Variants in HEATR5A observed in about 807,000 individuals in gnomAD.
HEATR5A encodes the protein HEAT repeat-containing protein 5A.
A neutral mutation model predicts 218.8 loss-of-function variants in HEATR5A; 178 were observed. The observed-to-expected ratio is 0.81, with a 90% CI of 0.72 to 0.92. The LOEUF (loss-of-function observed/expected upper bound fraction) is 0.92, where lower values mean the gene tolerates loss of function less well. Ranked by LOEUF, HEATR5A falls within the 40% of genes least tolerant of loss-of-function variation. HEATR5A has a pLI of 0.00. For missense variants in HEATR5A, 2,420 were observed against 2,418.9 expected (o/e 1.00, Z -0.01); for synonymous variants, 864 against 871.6 (o/e 0.99, Z 0.15).
chr14:31,397,542 C>A (rs1274248324), intron 4 of HEATR5A, among the ~76,000 whole-genome samples: 1 of 151,880 alleles, frequency 6.6e-6, no homozygotes, highest in Admixed American at 6.6e-5. Context: ...GCCTGTAATC[C>A]CAGCTACTTG....
intron 1 of HEATR5A, among the ~76,000 whole-genome samples, chr14:31,416,111 T>C (rs2031436337): frequency 6.6e-6 from 1 of 151,834 alleles, no homozygotes; most frequent in Non-Finnish European, 1.5e-5. Flanking sequence ...CCACCATGCC[T>C]GGCTAATTTT....
chr14:31,308,475 CCAGCCTGGG>C (rs1899626144), intron 29 of HEATR5A, among the ~76,000 whole-genome samples: 5 of 149,478 alleles, frequency 3.3e-5, no homozygotes. Context: ...CCATTGCACT[CCAGCCTGGG>C]CAACAAGAGC....
Position 31,395,344 on chromosome 14 carries a change from T to A in HEATR5A, c.452A>T (p.Gln151Leu), listed in dbSNP as rs1347603226. Reference sequence around the variant, plus strand: ...ACTTAGCATAATCTCATATCGGCCTTGAGACTTCCAAAAAGAAAAAAAATT... The same window carrying A: ...ACTTAGCATAATCTCATATCGGCCTAGAGACTTCCAAAAAGAAAAAAAATT... ...ILKAMKSAES[Q>L]GRYEIMLSLQ... Residue 151 changes from glutamine to leucine, a missense_variant, in exon 5 of 36, where the codon CAA (glutamine) becomes CTA (leucine). Physicochemically the swap from Gln to Leu is moderately radical, Grantham distance 113. Coordinates refer to ENST00000543095, the MANE Select transcript of HEATR5A (RefSeq NM_015473.4). The A allele has an allele frequency of 2.0e-6, 3 of 1,497,366 alleles. No homozygotes were observed. The allele number at this position is 1,497,366 out of a possible 1,614,324, so 92.8% of individuals were successfully genotyped here. A position where few individuals can be genotyped will look rare whatever the true frequency, so the allele number is the denominator to read the frequency against.
At position 31,295,924 on chromosome 14, in the gene HEATR5A, C is replaced by T; in HGVS notation, c.5604G>A (p.Glu1868=). 6.2e-7 allele frequency: 1 copy of T among 1,613,556 alleles called. No homozygotes were observed. The highest frequency in any genetic ancestry group is 8.5e-7 in the Non-Finnish European group (1 of 1,179,656). Residue 1868 remains glutamate (E), a synonymous_variant, in exon 34 of 36, where the codon GAG becomes GAA. Transcript: ENST00000543095. ...RCIDKFKATL[E]IKDPVVQIKT... is the part of the protein sequence containing the mutation. ...AGACACTTACCACAGGATCTTTTAT[C>T]TCAAGAGTAGCTTTAAATTTATCAA...
chr14:31,302,565 A>T, intron 32 of HEATR5A, 46 bp from the exon 33 acceptor site: 1 of 1,261,628 alleles, frequency 7.9e-7, no homozygotes. Context: ...CAACCTATAT[A>T]TATGGTTTCT....
intron 11 of HEATR5A, among the ~76,000 whole-genome samples, chr14:31,376,560 A>G (rs1484039889): frequency 6.6e-6 from 1 of 152,188 alleles, no homozygotes; most frequent in Non-Finnish European, 1.5e-5. Flanking sequence ...ACATACACGC[A>G]CACTTTATGA....
chr14:31,372,197 A>C (rs1342877124), intron 12 of HEATR5A, among the ~76,000 whole-genome samples: 1 of 121,972 alleles, frequency 8.2e-6, no homozygotes, highest in Non-Finnish European at 1.6e-5. Context: ...GCTTAGAAGC[A>C]AAAAAAAAAA....
chr14:31,302,229 T>A (rs1899407323), intron 33 of HEATR5A, 66 bp downstream of exon 33: 1 of 1,126,230 alleles, frequency 8.9e-7, no homozygotes, highest in African/African-American at 1.6e-5. Flanking sequence ...AAATATCTTA[T>A]CCTCAAAAAA....
chr14:31,350,368 AG>A (rs1555368949), intron 17 of HEATR5A, among the ~76,000 whole-genome samples: 2 of 152,224 alleles, frequency 1.3e-5, no homozygotes, highest in Non-Finnish European at 2.9e-5. Context: ...TCCCTGGCCC[AG>A]GATATCAGGA....
chr14:31,340,436 G>T, intron 21 of HEATR5A: 1 of 1,287,180 alleles, frequency 7.8e-7, no homozygotes, highest in South Asian at 1.2e-5. Flanking sequence ...AGGAATCAAG[G>T]GTCAGGGACC....
At chr14:31,348,486 G>C (rs781009498) in intron 18 of HEATR5A, among the ~76,000 whole-genome samples, 4 of 152,206 alleles carry the variant, frequency 2.6e-5, no homozygotes, top group Non-Finnish European at 2.9e-5. Flanking sequence ...GGGAGGCTGA[G>C]GCTGGAGTAT....
Position 31,309,042 on chromosome 14 carries a change from T to C in HEATR5A, c.4582A>G (p.Asn1528Asp), listed in dbSNP as rs369867567. The C allele has an allele frequency of 1.2e-5, 19 of 1,613,854 alleles. No individual in the cohort carries two copies. The African/African-American group carries it at 1.9e-4, about 16-fold the overall frequency. ...VVADPDEGAS[N>D]LSRPVTPTSM... ...GTTGGTGTTACAGGCCTGGAGAGAT[T>C]AGATGCTCCTTCATCTGGGTCAGCA... Residue 1528 changes from asparagine (N) to aspartate (D), a missense_variant, in exon 29 of 36, where the codon AAT (asparagine) becomes GAT (aspartate). Asn to Asp is a conservative substitution (Grantham distance 23). Coordinates refer to ENST00000543095, the MANE Select transcript of HEATR5A (RefSeq NM_015473.4).
intron 19 of HEATR5A, among the ~76,000 whole-genome samples, chr14:31,346,443 G>C (rs1595121221): frequency 6.6e-6 from 1 of 152,164 alleles, no homozygotes; most frequent in East Asian, 1.9e-4. Flanking sequence ...AAAGCTAACT[G>C]GATTAAAGCT....
At position 31,304,940 on chromosome 14, in the gene HEATR5A, A is replaced by G; in HGVS notation, c.5204T>C (p.Ile1735Thr). The G allele has an allele frequency of 6.2e-7, 1 of 1,614,018 alleles. No individual in the cohort carries two copies. The highest frequency in any genetic ancestry group is 8.5e-7 in the Non-Finnish European group (1 of 1,179,888). Reference sequence around the variant, plus strand: ...GCACACTGCAGGAAGTTCGGAAAGGATAACCAATGCAGCTGAAACCAATCT... The same window carrying G: ...GCACACTGCAGGAAGTTCGGAAAGGGTAACCAATGCAGCTGAAACCAATCT... ...GSRLVSAALV[I>T]LSELPAVCSP... Residue 1735 changes from isoleucine (I) to threonine (T), a missense_variant, in exon 32 of 36, where the codon ATC (isoleucine) becomes ACC (threonine). Physicochemically the swap from Ile to Thr is moderately conservative, Grantham distance 89 (BLOSUM62 -1). Coordinates refer to ENST00000543095, the MANE Select transcript of HEATR5A (RefSeq NM_015473.4).
chr14:31,391,776 T>C (rs2030464326), intron 6 of HEATR5A, among the ~76,000 whole-genome samples: 1 of 152,222 alleles, frequency 6.6e-6, no homozygotes, highest in Non-Finnish European at 1.5e-5. Context: ...TAGACATGTT[T>C]AGATACACAA....
chr14:31,359,534 T>C (rs913487697), intron 14 of HEATR5A, among the ~76,000 whole-genome samples: 2 of 151,476 alleles, frequency 1.3e-5, no homozygotes, highest in Non-Finnish European at 2.9e-5. Flanking sequence ...CAAGACCAGC[T>C]TGGCCAACAT....
At position 31,293,562 on chromosome 14, in the gene HEATR5A, C is replaced by T. The variant is rs1899082914; in HGVS notation, c.5884G>A (p.Asp1962Asn). The stretch of plus-strand genomic sequence containing the variant: ...GTTGCTGATCCCAGAGAATTTTCAT[C>T]CAAAAGGAAGGAAATGAGGATGGGC... ...LLPILISFLL[D>N]ENSLGSATSI... Residue 1962 changes from aspartate (D) to asparagine (N), a missense_variant, in exon 36 of 36, where the codon GAT (aspartate) becomes AAT (asparagine). By Grantham distance (23) the Asp-to-Asn change is conservative (BLOSUM62 1). Transcript: ENST00000543095. 1.2e-6 allele frequency: 2 copies of T among 1,613,450 alleles called. No homozygotes were observed. Among genetic ancestry groups the T allele is most frequent in the African/African-American group, 1.3e-5 (1 of 74,952 alleles).
chr14:31,348,125 G>A (rs1473850153), intron 18 of HEATR5A, among the ~76,000 whole-genome samples: 4 of 152,140 alleles, frequency 2.6e-5, no homozygotes, highest in South Asian at 2.1e-4. Flanking sequence ...TATTATTAAT[G>A]ATTAGTTTAG....
chr14:31,347,959 C>T, intron 18 of HEATR5A, 52 bp from the exon 19 acceptor site: 1 of 1,178,486 alleles, frequency 8.5e-7, no homozygotes, highest in Non-Finnish European at 1.1e-6. Context: ...AGAAAAAAAA[C>T]ACAAAAACTA....
Sources: allele counts gnomAD v4.1 joint callset (sites outside exome capture counted in the v4.1 genomes callset), GRCh38; gene constraint gnomAD v4.1.1; transcripts MANE v1.5; gene names NCBI Gene and HGNC (gene_info 2026-07-23, HGNC 2026-07-21).